Variants in PARL observed in about 807,000 individuals in gnomAD.
The protein encoded by PARL is presenilin-associated rhomboid-like protein, mitochondrial.
A neutral mutation model predicts 51.6 loss-of-function variants in PARL; 44 were observed. That is an observed-to-expected ratio of 0.85 (90% CI 0.67 to 1.10). The LOEUF (loss-of-function observed/expected upper bound fraction) is 1.10, where lower values mean the gene tolerates loss of function less well. Among genes scored for constraint, PARL ranks in the 50% least tolerant of loss-of-function variants. The pLI is 0.00. For missense variants in PARL, 441 were observed against 469.5 expected, an observed-to-expected ratio of 0.94 and a Z score of 0.56; for synonymous variants, 172 against 164.0, an observed-to-expected ratio of 1.05 and a Z score of -0.37.
At chr3:183,884,617 G>A in intron 1 of PARL, 105 bp downstream of exon 1, 16 of 1,151,532 alleles carry the variant, frequency 1.4e-5, no homozygotes, top group Non-Finnish European at 2.0e-5. Context: ...TGAAGGGGGT[G>A]AGCTGGGGCC....
intron 4 of PARL, among the ~76,000 whole-genome samples, chr3:183,852,280 A>G (rs1730633976): frequency 6.6e-6 from 1 of 152,254 alleles, no homozygotes; most frequent in Non-Finnish European, 1.5e-5. Context: ...AGAATGGATA[A>G]CCAAAATGTG....
intron 1 of PARL, among the ~76,000 whole-genome samples, chr3:183,873,465 G>T (rs989804525): frequency 1.3e-5 from 2 of 152,178 alleles, no homozygotes; most frequent in Admixed American, 1.3e-4. Context: ...CTAGAACCCA[G>T]GAGGCAGAGG....
At chr3:183,872,984 CTTAT>C (rs1309624401) in intron 1 of PARL, among the ~76,000 whole-genome samples, 1 of 152,176 alleles carries the variant, frequency 6.6e-6, no homozygotes, top group African/African-American at 2.4e-5. Context: ...AACTCCCCTT[CTTAT>C]TTAAACAACC....
rs541990699 is a variant in PARL at position 183,844,644 on chromosome 3, A to C, written c.512-318T>G. 3 of 269,364 alleles carry C rather than the reference A, an allele frequency of 1.1e-5. No homozygotes were observed. In the South Asian group the frequency reaches 1.5e-4, roughly 14 times the overall value. The allele number at this position is 269,364 out of a possible 1,614,324, so 16.7% of individuals were successfully genotyped here. Reference sequence around the variant, plus strand: ...ATCAGATCAATAATTTATTGTCTATAATAGCCAAACCAAAGACAGAAGTAA... The same window carrying C: ...ATCAGATCAATAATTTATTGTCTATCATAGCCAAACCAAAGACAGAAGTAA... On this transcript the variant is annotated intron_variant, in intron 4 of 9. Coordinates refer to ENST00000317096, the MANE Select transcript of PARL (RefSeq NM_018622.7).
intron 7 of PARL, among the ~76,000 whole-genome samples, chr3:183,836,339 G>A (rs946052452): frequency 6.6e-6 from 1 of 150,700 alleles, no homozygotes; most frequent in Non-Finnish European, 1.5e-5. Flanking sequence ...TCCATGGAAC[G>A]CTGGTTTTTT....
chr3:183,855,670 C>T (rs966364567), intron 4 of PARL, among the ~76,000 whole-genome samples: 2 of 152,182 alleles, frequency 1.3e-5, no homozygotes, highest in African/African-American at 4.8e-5. Flanking sequence ...GAGCTTGTTT[C>T]CCTGCAACCA....
chr3:183,847,912 T>A (rs1730140942), intron 4 of PARL, among the ~76,000 whole-genome samples: 1 of 152,196 alleles, frequency 6.6e-6, no homozygotes, highest in African/African-American at 2.4e-5. Context: ...GTTTTGTATA[T>A]CTCCACTTAG....
At position 183,834,877 on chromosome 3, in the gene PARL, C is replaced by T. The variant is rs372853767; in HGVS notation, c.829-1052G>A. ...CCAACGTGGTAAAACCCCGTCTCTA[C>T]TAAAAATACAAAAAAAAAAAAAAAA... On this transcript the variant is annotated intron_variant, in intron 7 of 9. Coordinates refer to ENST00000317096, the MANE Select transcript of PARL (RefSeq NM_018622.7). Among the ~76,000 whole-genome samples, 3 of 75,726 alleles carry T rather than the reference C, an allele frequency of 4.0e-5. No individual in the cohort carries two copies. The South Asian group carries it at 1.2e-3, about 31-fold the overall frequency. The allele number at this position is 75,726 out of a possible 152,430, so 49.7% of individuals were successfully genotyped here.
At chr3:183,873,270 C>G (rs1390492383) in intron 1 of PARL, among the ~76,000 whole-genome samples, 1 of 152,160 alleles carries the variant, frequency 6.6e-6, no homozygotes, top group Non-Finnish European at 1.5e-5. Flanking sequence ...CTTTGGGAGG[C>G]TGGGGTGGGA....
At chr3:183,856,239 T>C (rs1450340611) in intron 4 of PARL, among the ~76,000 whole-genome samples, 5 of 152,188 alleles carry the variant, frequency 3.3e-5, no homozygotes, top group Non-Finnish European at 5.9e-5. Flanking sequence ...CATTTTCCTA[T>C]AAAGGACTTA....
At chr3:183,877,801 T>C (rs1222807140) in intron 1 of PARL, among the ~76,000 whole-genome samples, 1 of 120,182 alleles carries the variant, frequency 8.3e-6, no homozygotes, top group Non-Finnish European at 1.8e-5. Context: ...CCATAATTTA[T>C]TACTTTTTTT....
At chr3:183,884,434 C>T (rs1312050994) in intron 1 of PARL, among the ~76,000 whole-genome samples, 1 of 152,224 alleles carries the variant, frequency 6.6e-6, no homozygotes, top group Non-Finnish European at 1.5e-5. Flanking sequence ...AGTTTCCACT[C>T]GCGATTATGA....
intron 7 of PARL, among the ~76,000 whole-genome samples, chr3:183,834,529 C>T (rs536652005): frequency 6.6e-6 from 1 of 152,242 alleles, no homozygotes; most frequent in South Asian, 2.1e-4. Flanking sequence ...GTTCCATTTG[C>T]AAACTAATTT....
chr3:183,863,603 T>C (rs76897922), intron 3 of PARL, among the ~76,000 whole-genome samples: 402 of 152,236 alleles, frequency 2.6e-3, no homozygotes, highest in African/African-American at 9.4e-3. Flanking sequence ...TCCATTTATT[T>C]TCTTTTTTTT....
chr3:183,849,684 A>T (rs1730341136), intron 4 of PARL, among the ~76,000 whole-genome samples: 1 of 152,142 alleles, frequency 6.6e-6, no homozygotes, highest in Admixed American at 6.5e-5. Context: ...AAAATTAATA[A>T]ATCCAAAAGT....
At chr3:183,872,351 A>T (rs1733316752) in intron 1 of PARL, among the ~76,000 whole-genome samples, 1 of 152,224 alleles carries the variant, frequency 6.6e-6, no homozygotes, top group Non-Finnish European at 1.5e-5. Context: ...TCAACTCAGA[A>T]ATCACAGTGA....
rs149304531 is a variant in PARL, at chr3:183,862,914, A to G, written c.463-113T>C. 6.4e-4 allele frequency: 524 copies of G among 818,564 alleles called. 5 individuals carry two copies. The East Asian group carries it at 9.3e-3, about 15-fold the overall frequency. The allele number at this position is 818,564 out of a possible 1,614,324, so 50.7% of individuals were successfully genotyped here. ...GAGGAATTCCTCTTCTGCAAAAATC[A>G]CTGGTGGTCACAGACATAATAAATA... On this transcript the variant is annotated intron_variant, in intron 3 of 9. Coordinates refer to ENST00000317096, the MANE Select transcript of PARL (RefSeq NM_018622.7).
At chr3:183,828,912 AC>A (rs1727612790), downstream of PARL, among the ~76,000 whole-genome samples, 1 of 152,200 alleles carries the variant, frequency 6.6e-6, no homozygotes, top group Non-Finnish European at 1.5e-5. Context: ...GGCTGTGACG[AC>A]GACAGCCACT....
At chr3:183,873,237 A>G (rs929687893) in intron 1 of PARL, among the ~76,000 whole-genome samples, 4 of 152,172 alleles carry the variant, frequency 2.6e-5, no homozygotes, top group African/African-American at 7.2e-5. Context: ...CGGGCATGGT[A>G]GCTCACGCCT....
Sources: allele counts gnomAD v4.1 joint callset (sites outside exome capture counted in the v4.1 genomes callset), GRCh38; gene constraint gnomAD v4.1.1; transcripts MANE v1.5; gene names NCBI Gene and HGNC (gene_info 2026-07-23, HGNC 2026-07-21).